The following SC5D variants were observed in gnomAD, a reference collection of about 807,000 sequenced individuals.
SC5D encodes lathosterol oxidase.
SC5D carries 21 observed loss-of-function variants against 23.9 expected under a neutral mutation model. The observed-to-expected ratio is 0.88, with a 90% CI of 0.62 to 1.26. The LOEUF (loss-of-function observed/expected upper bound fraction) is 1.26. Ranked by LOEUF, SC5D falls within the 50% of genes most tolerant of loss-of-function variation. The pLI is 0.00. For synonymous variants in SC5D, 113 were observed against 125.9 expected, an observed-to-expected ratio of 0.90 and a Z score of 0.68; for missense variants, 309 against 364.8, an observed-to-expected ratio of 0.85 and a Z score of 1.25.
At chr11:121,303,846 TTGA>T in intron 2 of SC5D, 1 of 384,010 alleles carries the variant, frequency 2.6e-6, no homozygotes, top group Non-Finnish European at 4.7e-6. Context: ...TATGCTGATA[TTGA>T]TGAGTAAATA....
chr11:121,303,513 T>C lies in SC5D; in HGVS notation c.138T>C (p.Tyr46=). 6.2e-7 allele frequency: 1 copy of C among 1,614,046 alleles called. No homozygotes were observed. The highest frequency in any genetic ancestry group is 8.5e-7 in the Non-Finnish European group (1 of 1,179,942). Residue 46 remains tyrosine (Y), a synonymous_variant, in exon 2 of 5, where the codon TAT becomes TAC. Transcript: ENST00000264027. The stretch of plus-strand genomic sequence containing the variant: ...CAAATGTTGGTGCTTACATCCTTTA[T>C]TTCTTCTGTGCAACACTGAGCTATT... ...IVTNVGAYIL[Y]FFCATLSYYF...
intron 4 of SC5D, chr11:121,306,829 C>T (rs568420844): frequency 1.6e-6 from 1 of 632,318 alleles, no homozygotes; most frequent in Non-Finnish European, 2.8e-6. Flanking sequence ...CACTAAAAGC[C>T]AGACTTCACC....
chr11:121,297,737 G>A (rs1429731622), intron 1 of SC5D, among the ~76,000 whole-genome samples: 2 of 152,188 alleles, frequency 1.3e-5, no homozygotes, highest in Non-Finnish European at 2.9e-5. Context: ...CCATGTTTCG[G>A]TTAAGTGGAT....
At chr11:121,304,808 C>A in intron 3 of SC5D, 1 of 292,590 alleles carries the variant, frequency 3.4e-6, no homozygotes, top group Non-Finnish European at 6.6e-6. Context: ...TAGCTTATGT[C>A]ATTGCTGAAA....
chr11:121,302,354 C>A (rs187767293), intron 1 of SC5D, among the ~76,000 whole-genome samples: 10 of 152,062 alleles, frequency 6.6e-5, no homozygotes, highest in Non-Finnish European at 1.2e-4. Context: ...TTTTCTTGTG[C>A]GAACAATGCA....
At chr11:121,306,961 A>T in intron 4 of SC5D, 96 bp from the exon 5 acceptor site, 2 of 1,022,436 alleles carry the variant, frequency 2.0e-6, no homozygotes, top group South Asian at 2.5e-5. Context: ...TCTCTACAGG[A>T]TTTGTTAGGT....
At position 121,309,346 on chromosome 11, in the gene SC5D, T is replaced by C. The variant is rs917495808; in HGVS notation, c.*1834T>C. ...AAGTGGTGCATATCTCTTCCGCCCATGTTCCTTTGGACAGAACTCCGTCAC... is the reference window on the plus strand; with the variant it reads ...AAGTGGTGCATATCTCTTCCGCCCACGTTCCTTTGGACAGAACTCCGTCAC... On this transcript the variant is annotated 3_prime_UTR_variant, in exon 5 of 5. Coordinates refer to ENST00000264027, the MANE Select transcript of SC5D (RefSeq NM_006918.5). Among the ~76,000 whole-genome samples the C allele has an allele frequency of 1.3e-5, 2 of 152,192 alleles. No homozygotes were observed. The highest frequency in any genetic ancestry group is 1.9e-4 in the East Asian group (1 of 5,194).
At chr11:121,296,105 A>G (rs901588368) in intron 1 of SC5D, among the ~76,000 whole-genome samples, 4 of 152,106 alleles carry the variant, frequency 2.6e-5, no homozygotes, top group African/African-American at 2.4e-5. Flanking sequence ...TCCTGGCTTC[A>G]AGCGGTCCTC....
At position 121,313,063 on chromosome 11, in the gene SC5D, A is replaced by G. The variant is rs1015304269; in HGVS notation, c.*5551A>G. Among the ~76,000 whole-genome samples the G allele has an allele frequency of 5.3e-5, 8 of 152,236 alleles. No homozygotes were observed. Among genetic ancestry groups the G allele is most frequent in the African/African-American group, 1.4e-4 (6 of 41,464 alleles). On this transcript the variant is annotated 3_prime_UTR_variant, in exon 5 of 5. Coordinates refer to ENST00000264027, the MANE Select transcript of SC5D (RefSeq NM_006918.5). Reference sequence around the variant, plus strand: ...TGTAACCACCACCCCCAATCAAAGTAAAGAACATTTTCTTACCAGAATAAA... The same window carrying G: ...TGTAACCACCACCCCCAATCAAAGTGAAGAACATTTTCTTACCAGAATAAA...
At chr11:121,303,697 G>A (rs1324116911) in intron 2 of SC5D, 112 bp downstream of exon 2, 3 of 830,246 alleles carry the variant, frequency 3.6e-6, no homozygotes, top group African/African-American at 3.4e-5. Flanking sequence ...ATAAAATTTT[G>A]GAGACCAACC....
intron 4 of SC5D, 86 bp downstream of exon 4, chr11:121,306,572 T>A (rs1443429558): frequency 6.6e-6 from 5 of 761,914 alleles, no homozygotes; most frequent in Non-Finnish European, 9.4e-6. Context: ...TTTCCAAGAA[T>A]TTCCTCTACC....
chr11:121,306,478 G>C lies in SC5D; in HGVS notation c.436G>C (p.Val146Leu). The change falls in exon 4 of 5, where the codon GTA (valine) becomes CTA (leucine). Residue 146 changes from valine to leucine, a missense_variant. Coordinates refer to ENST00000264027, the MANE Select transcript of SC5D (RefSeq NM_006918.5). Reference sequence around the variant, plus strand: ...TCACAGAGGCCTTCATCATAGACTGGTATATAAGGTAAAGTCATTTGTGGT... The same window carrying C: ...TCACAGAGGCCTTCATCATAGACTGCTATATAAGGTAAAGTCATTTGTGGT... The part of the protein sequence containing the change: ...WIHRGLHHRL[V>L]YKRLHKPHHI... 3 of 1,433,324 alleles carry C rather than the reference G, an allele frequency of 2.1e-6. No homozygotes were observed. Among genetic ancestry groups the C allele is most frequent in the Non-Finnish European group, 3.0e-6 (3 of 1,015,242 alleles). 88.8% of individuals were successfully genotyped at this position (1,433,324 alleles called of 1,614,324 possible). A position where few individuals can be genotyped will look rare whatever the true frequency, so the allele number is the denominator to read the frequency against.
chr11:121,296,488 T>G (rs920331251), intron 1 of SC5D, among the ~76,000 whole-genome samples: 2 of 152,238 alleles, frequency 1.3e-5, no homozygotes, highest in Non-Finnish European at 2.9e-5. Context: ...TAACCTTTTC[T>G]TTCTGGTGAT....
At position 121,301,303 on chromosome 11, in the gene SC5D, G is replaced by GT. The variant is rs34614904; in HGVS notation, c.-10-2045dup. On this transcript the variant is annotated intron_variant, in intron 1 of 4. Transcript: ENST00000264027. ...AGAGAATATCAATAAAGTGATAAAAGTTTTTTTTTTTTTTTTTTAAAGAAC... is the reference window on the plus strand; with the variant it reads ...AGAGAATATCAATAAAGTGATAAAAGTTTTTTTTTTTTTTTTTTTAAAGAAC... Among the ~76,000 whole-genome samples the GT allele has an allele frequency of 6.6e-3, 946 of 142,514 alleles. 7 individuals are homozygous for GT. The highest frequency in any genetic ancestry group is 6.5e-3 in the African/African-American group (255 of 39,024). 93.5% of individuals were successfully genotyped at this position (142,514 alleles called of 152,430 possible).
rs1329579001 is a variant in SC5D, at chr11:121,310,926, T to A, written c.*3414T>A. On this transcript the variant is annotated 3_prime_UTR_variant, in exon 5 of 5. Coordinates refer to ENST00000264027, the MANE Select transcript of SC5D (RefSeq NM_006918.5). ...TATTTATAGATTACCCAGTTGAAGA[T>A]ACTTTGTTAAGGCAGTACAAATGGA... Among the ~76,000 whole-genome samples the A allele has an allele frequency of 1.3e-5, 2 of 152,242 alleles. No homozygotes were observed. Among genetic ancestry groups the A allele is most frequent in the Non-Finnish European group, 2.9e-5 (2 of 68,042 alleles).
chr11:121,300,000 T>C (rs1457498894), intron 1 of SC5D, among the ~76,000 whole-genome samples: 1 of 152,240 alleles, frequency 6.6e-6, no homozygotes, highest in African/African-American at 2.4e-5. Flanking sequence ...ATAGGAATTT[T>C]GAATTCCGAA....
rs1947978992 is a variant in SC5D, at chr11:121,307,788, C to T, written c.*276C>T. Reference sequence around the variant, plus strand: ...AGCAGCAGATCTGTAGTTTGTATAGCCTCAACAACAATTTTAAATAAGATG... The same window carrying T: ...AGCAGCAGATCTGTAGTTTGTATAGTCTCAACAACAATTTTAAATAAGATG... On this transcript the variant is annotated 3_prime_UTR_variant, in exon 5 of 5. Transcript: ENST00000264027. 1 of 319,850 alleles carries T rather than the reference C, an allele frequency of 3.1e-6. No homozygotes were observed. Among genetic ancestry groups the T allele is most frequent in the East Asian group, 6.4e-5 (1 of 15,526 alleles). 19.8% of individuals were successfully genotyped at this position (319,850 alleles called of 1,614,324 possible). A position where few individuals can be genotyped will look rare whatever the true frequency, so the allele number is the denominator to read the frequency against.
chr11:121,293,731 G>A (rs751417), intron 1 of SC5D, among the ~76,000 whole-genome samples: 111,169 of 152,092 alleles, frequency 0.73, 40,772 homozygotes, highest in African/African-American at 0.78. Flanking sequence ...TTGATACCTA[G>A]TAAATAATAA....
chr11:121,300,932 CAG>C (rs995624897), intron 1 of SC5D, among the ~76,000 whole-genome samples: 1 of 152,190 alleles, frequency 6.6e-6, no homozygotes, highest in African/African-American at 2.4e-5. Context: ...ACAAATAAAA[CAG>C]GTATGTAATT....
Sources: gnomAD v4.1 joint callset for allele counts (sites outside exome capture counted in the v4.1 genomes callset) on GRCh38, gnomAD v4.1.1 for gene constraint, MANE v1.5 for transcripts, NCBI Gene and HGNC (gene_info 2026-07-23, HGNC 2026-07-21) for gene names.